Variants in LY86 observed in about 807,000 individuals in gnomAD.
LY86 encodes MD-1, RP105-associated.
A neutral mutation model predicts 17.3 loss-of-function variants in LY86; 20 were observed. That is an observed-to-expected ratio of 1.15 (90% CI 0.81 to 1.68). The LOEUF (loss-of-function observed/expected upper bound fraction) is 1.68, where lower values mean the gene tolerates loss of function less well. LY86 is among the 40% of genes most tolerant of loss of function. LY86 has a pLI of 0.00. For synonymous variants in LY86, 74 were observed against 70.6 expected (o/e 1.05, Z -0.24); for missense variants, 200 against 191.9 (o/e 1.04, Z -0.25).
chr6:6,638,989 C>A (rs140620829), intron 3 of LY86, among the ~76,000 whole-genome samples: 24 of 152,028 alleles, frequency 1.6e-4, no homozygotes, highest in Middle Eastern at 3.4e-3. Context: ...ATGTTTATTG[C>A]GGCACTATTC....
chr6:6,629,919 G>T (rs1220618577), intron 3 of LY86, among the ~76,000 whole-genome samples: 1 of 152,192 alleles, frequency 6.6e-6, no homozygotes, highest in South Asian at 2.1e-4. Flanking sequence ...TGATGCCGTA[G>T]ATTACTAAAT....
At chr6:6,632,375 A>G (rs528184541) in intron 3 of LY86, among the ~76,000 whole-genome samples, 17 of 152,332 alleles carry the variant, frequency 1.1e-4, no homozygotes, top group African/African-American at 4.1e-4. Flanking sequence ...GAGAGTGGCC[A>G]TAATTCATTA....
At chr6:6,598,953 G>A (rs1368540833) in intron 1 of LY86, among the ~76,000 whole-genome samples, 2 of 152,190 alleles carry the variant, frequency 1.3e-5, no homozygotes, top group Admixed American at 1.3e-4. Flanking sequence ...GAGCTGATTT[G>A]ACTGTTGCCT....
chr6:6,630,533 C>T lies in LY86; in HGVS notation c.352+4112C>T, dbSNP rs561054897. Among the ~76,000 whole-genome samples, 234 of 152,356 alleles carry T rather than the reference C, an allele frequency of 1.5e-3. 8 individuals are homozygous for T. The South Asian group carries it at 0.041, about 27-fold the overall frequency. ...TTTCAAACAGGTTCCATAAGCTACA[C>T]ATCCACTTTTAAGACTAAATTGAGC... On this transcript the variant is annotated intron_variant, in intron 3 of 4. Coordinates refer to ENST00000230568, the MANE Select transcript of LY86 (RefSeq NM_004271.4).
intron 1 of LY86, among the ~76,000 whole-genome samples, chr6:6,616,171 C>A (rs1761549027): frequency 6.6e-6 from 1 of 152,172 alleles, no homozygotes; most frequent in Non-Finnish European, 1.5e-5. Flanking sequence ...AAAGCAGCAC[C>A]TTCGCAGAGT....
rs181819229 is a variant in LY86 at position 6,619,209 on chromosome 6, C to T, written c.137-5717C>T. On this transcript the variant is annotated intron_variant, in intron 1 of 4. Transcript: ENST00000230568. ...ATCTGTTTGATAAATAGAACACAAG[C>T]TGGCAGAATTGGCCATCAGCCAACC... is the stretch of plus-strand genomic sequence containing the variant. 9.0e-4 allele frequency among the ~76,000 whole-genome samples: 137 copies of T among 152,298 alleles called. 2 individuals carry two copies. Among genetic ancestry groups the T allele is most frequent in the African/African-American group, 3.2e-3 (133 of 41,558 alleles).
chr6:6,609,766 A>AGC (rs945054856), intron 1 of LY86, among the ~76,000 whole-genome samples: 2 of 152,172 alleles, frequency 1.3e-5, no homozygotes, highest in African/African-American at 4.8e-5. Context: ...GGAGAAAAAT[A>AGC]AGCTAAGTTG....
intron 1 of LY86, among the ~76,000 whole-genome samples, chr6:6,619,465 G>T (rs763405): frequency 0.17 from 25,749 of 152,172 alleles, 2,273 homozygotes; most frequent in African/African-American, 0.21. Context: ...GTCAGAAGCA[G>T]ACCAGCTTTA....
rs553875024 is a variant in LY86 at position 6,654,789 on chromosome 6, A to C, written c.*162A>C. On this transcript the variant is annotated 3_prime_UTR_variant, in exon 5 of 5. Transcript: ENST00000230568. Reference sequence around the variant, plus strand: ...CTGCTAATTTTAGTCCCAGGACCAGACATCCCCAGACTCCACAGATGTAAT... The same window carrying C: ...CTGCTAATTTTAGTCCCAGGACCAGCCATCCCCAGACTCCACAGATGTAAT... The C allele has an allele frequency of 4.7e-4, 289 of 612,068 alleles. 3 individuals are homozygous for C. In the East Asian group the frequency reaches 7.9e-3, roughly 17 times the overall value. The allele number at this position is 612,068 out of a possible 1,614,324, so 37.9% of individuals were successfully genotyped here.
rs183930377 is a variant in LY86 at position 6,603,933 on chromosome 6, A to C, written c.136+15063A>C. ...GCAAAACAGAAAACAAAAAAAACTT[A>C]TCTAACTCTGCCTAATCTCTTGGGA... On this transcript the variant is annotated intron_variant, in intron 1 of 4. Coordinates refer to ENST00000230568, the MANE Select transcript of LY86 (RefSeq NM_004271.4). Among the ~76,000 whole-genome samples the C allele has an allele frequency of 1.4e-4, 21 of 152,330 alleles. No homozygotes were observed. In the East Asian group the frequency reaches 3.9e-3, roughly 28 times the overall value.
intron 3 of LY86, among the ~76,000 whole-genome samples, chr6:6,630,091 C>A (rs1448214690): frequency 1.3e-5 from 2 of 152,094 alleles, no homozygotes; most frequent in African/African-American, 2.4e-5. Context: ...CTCTGCAGAT[C>A]TTTATTTTTG....
At position 6,595,098 on chromosome 6, in the gene LY86, G is replaced by A. The variant is rs189813881; in HGVS notation, c.136+6228G>A. Among the ~76,000 whole-genome samples the A allele has an allele frequency of 3.1e-4, 47 of 152,070 alleles. No homozygotes were observed. The East Asian group carries it at 7.6e-3, about 25-fold the overall frequency. ...TGTGGACCAGCAAAAGAAGGATGGG[G>A]AGGAAGAGGAGATCAGGAAGAGAGG... On this transcript the variant is annotated intron_variant, in intron 1 of 4. Coordinates refer to ENST00000230568, the MANE Select transcript of LY86 (RefSeq NM_004271.4).
chr6:6,650,000 T>C (rs1048442624), intron 4 of LY86, among the ~76,000 whole-genome samples: 1 of 152,042 alleles, frequency 6.6e-6, no homozygotes, highest in Admixed American at 6.6e-5. Context: ...GATTACGGCA[T>C]TTGTGGGGTT....
intron 3 of LY86, among the ~76,000 whole-genome samples, chr6:6,635,619 C>A (rs1761948744): frequency 6.6e-6 from 1 of 152,154 alleles, no homozygotes; most frequent in South Asian, 2.1e-4. Flanking sequence ...GATTTCTGGG[C>A]CATTTTAGAC....
intron 1 of LY86, among the ~76,000 whole-genome samples, chr6:6,612,029 T>G (rs1761359445): frequency 1.2e-5 from 1 of 84,058 alleles, no homozygotes; most frequent in South Asian, 5.3e-4. Flanking sequence ...TGTGGTCTCT[T>G]GTATTAGGAG....
At chr6:6,613,943 G>A (rs948954110) in intron 1 of LY86, among the ~76,000 whole-genome samples, 3 of 152,260 alleles carry the variant, frequency 2.0e-5, no homozygotes, top group African/African-American at 7.2e-5. Context: ...ATCGTGAAGG[G>A]ACGTTTTTAG....
intron 1 of LY86, among the ~76,000 whole-genome samples, chr6:6,589,651 C>T (rs1164838027): frequency 6.6e-6 from 1 of 152,150 alleles, no homozygotes; most frequent in Non-Finnish European, 1.5e-5. Context: ...GGAAGCTGGG[C>T]TGGTTTCTCC....
chr6:6,598,517 T>C (rs184031303), intron 1 of LY86, among the ~76,000 whole-genome samples: 1 of 152,234 alleles, frequency 6.6e-6, no homozygotes, highest in African/African-American at 2.4e-5. Flanking sequence ...TACCAACCAA[T>C]TGATTCTGGG....
At chr6:6,653,520 C>A (rs1189307401) in intron 4 of LY86, among the ~76,000 whole-genome samples, 1 of 152,192 alleles carries the variant, frequency 6.6e-6, no homozygotes, top group Non-Finnish European at 1.5e-5. Context: ...GCAAACAAAA[C>A]CAGAATGGCT....
Sources: allele counts gnomAD v4.1 joint callset (sites outside exome capture counted in the v4.1 genomes callset), GRCh38; gene constraint gnomAD v4.1.1; transcripts MANE v1.5; gene names NCBI Gene and HGNC (gene_info 2026-07-23, HGNC 2026-07-21).